Variants in REDIC1 observed in about 807,000 individuals in gnomAD.
REDIC1 encodes the protein HEI10 Interacting Protein 1.
the REDIC1 span, chr12:39,683,023 T>G: frequency 6.2e-7 from 1 of 1,613,278 alleles, no homozygotes; most frequent in Non-Finnish European, 8.5e-7. Context: ...TAAAACAAGT[T>G]ATCCAGAAAA....
the REDIC1 span, among the ~76,000 whole-genome samples, chr12:39,696,380 A>G: frequency 4.6e-5 from 7 of 150,758 alleles, no homozygotes; most frequent in African/African-American, 1.7e-4. Flanking sequence ...CGTCTCTACT[A>G]AAAATACAAA....
the REDIC1 span, among the ~76,000 whole-genome samples, chr12:39,663,208 T>C: frequency 6.6e-6 from 1 of 152,036 alleles, no homozygotes; most frequent in Non-Finnish European, 1.5e-5. Flanking sequence ...GAGTGTGGCA[T>C]TGAAGTCTCC....
At chr12:39,643,796 C>G in the REDIC1 span, 2 of 1,540,642 alleles carry the variant, frequency 1.3e-6, no homozygotes, top group Non-Finnish European at 1.8e-6. Flanking sequence ...TTGAAAAACA[C>G]AGGTTAAAAT....
chr12:39,660,348 C>G, the REDIC1 span, among the ~76,000 whole-genome samples: 1 of 152,268 alleles, frequency 6.6e-6, no homozygotes, highest in African/African-American at 2.4e-5. Context: ...TGATTAGGTT[C>G]TCTTTCCTTG....
chr12:39,678,802 G>A, the REDIC1 span, among the ~76,000 whole-genome samples: 2 of 151,864 alleles, frequency 1.3e-5, no homozygotes, highest in Non-Finnish European at 2.9e-5. Flanking sequence ...ACACACATAA[G>A]TCAATAAATA....
chr12:39,894,431 C>T, the REDIC1 span, among the ~76,000 whole-genome samples: 1 of 151,922 alleles, frequency 6.6e-6, no homozygotes, highest in Non-Finnish European at 1.5e-5. Flanking sequence ...ATAAGTGAAC[C>T]CCTAATACCT....
At chr12:39,715,232 T>C in the REDIC1 span, among the ~76,000 whole-genome samples, 1 of 152,082 alleles carries the variant, frequency 6.6e-6, no homozygotes, top group South Asian at 2.1e-4. Context: ...CTTGAGTTGA[T>C]TTTTTGTCTA....
the REDIC1 span, among the ~76,000 whole-genome samples, chr12:39,668,027 C>T: frequency 6.6e-6 from 1 of 152,130 alleles, no homozygotes; most frequent in Admixed American, 6.5e-5. Context: ...TCCAATTTTC[C>T]ACTCTGTGTC....
At chr12:39,683,353 A>C in the REDIC1 span, 1 of 1,286,456 alleles carries the variant, frequency 7.8e-7, no homozygotes, top group South Asian at 1.2e-5. Flanking sequence ...TATGCTTTGA[A>C]TTAAAAAATG....
At chr12:39,631,325 A>G in the REDIC1 span, among the ~76,000 whole-genome samples, 20,658 of 152,276 alleles carry the variant, frequency 0.14, 1,776 homozygotes, top group Middle Eastern at 0.24. Context: ...GTAAATTATA[A>G]TTATTGAATA....
chr12:39,650,791 G>T, the REDIC1 span, among the ~76,000 whole-genome samples: 1 of 152,140 alleles, frequency 6.6e-6, no homozygotes, highest in Non-Finnish European at 1.5e-5. The surrounding 1 kb of genome is among the most constrained non-coding windows in gnomAD (Gnocchi z 4.3). Context: ...GGCCAGGCTG[G>T]TCTCAATCTT....
chr12:39,878,661 A>G, the REDIC1 span, among the ~76,000 whole-genome samples: 1 of 152,256 alleles, frequency 6.6e-6, no homozygotes, highest in East Asian at 1.9e-4. Flanking sequence ...GGAATTACTT[A>G]AAGTTGCTGC....
chr12:39,812,372 CTTTT>C, the REDIC1 span, among the ~76,000 whole-genome samples: 4 of 142,074 alleles, frequency 2.8e-5, no homozygotes, highest in Admixed American at 2.8e-4. Flanking sequence ...CTTTTCTTTT[CTTTT>C]CTTTTCTTTC....
chr12:39,772,419 T>A, the REDIC1 span, among the ~76,000 whole-genome samples: 1 of 152,116 alleles, frequency 6.6e-6, no homozygotes, highest in Non-Finnish European at 1.5e-5. Context: ...ATTTTTTTTT[T>A]AAATCTCAAC....
chr12:39,856,097 C>A, the REDIC1 span, among the ~76,000 whole-genome samples: 1 of 152,302 alleles, frequency 6.6e-6, no homozygotes, highest in African/African-American at 2.4e-5. Flanking sequence ...AAATCACCAA[C>A]TCTTGGATAG....
At chr12:39,804,522 G>A in the REDIC1 span, among the ~76,000 whole-genome samples, 2 of 151,898 alleles carry the variant, frequency 1.3e-5, no homozygotes, top group Non-Finnish European at 2.9e-5. Flanking sequence ...AAATAGCTTT[G>A]GTATTCCCTG....
the REDIC1 span, among the ~76,000 whole-genome samples, chr12:39,838,451 C>A: frequency 1.1e-3 from 158 of 147,240 alleles, 1 homozygote; most frequent in African/African-American, 3.6e-3. Context: ...TGTAACTAAC[C>A]TGCACAATGT....
the REDIC1 span, among the ~76,000 whole-genome samples, chr12:39,675,189 G>A: frequency 6.6e-6 from 1 of 152,144 alleles, no homozygotes; most frequent in Non-Finnish European, 1.5e-5. Context: ...ATGCAGCAGA[G>A]GTAGCCATAA....
the REDIC1 span, among the ~76,000 whole-genome samples, chr12:39,725,947 G>T: frequency 2.0e-5 from 3 of 151,862 alleles, no homozygotes; most frequent in Non-Finnish European, 2.9e-5. Flanking sequence ...GTGTTCACCT[G>T]GTGTTTCTTG....
Sources: allele counts gnomAD v4.1 joint callset (sites outside exome capture counted in the v4.1 genomes callset), GRCh38; gene constraint gnomAD v4.1.1; non-coding constraint Gnocchi (gnomAD v3.1); transcripts MANE v1.5; gene names NCBI Gene and HGNC (gene_info 2026-07-23, HGNC 2026-07-21).